The following MACF1 variants were observed in gnomAD, a reference collection of about 807,000 sequenced individuals.
MACF1 encodes the protein microtubule-actin cross-linking factor 1.
MACF1 carries 193 observed loss-of-function variants against 854.8 expected under a neutral mutation model. The ratio of observed to expected loss-of-function variants is 0.23; its 90% CI spans 0.20 to 0.25. MACF1 has a LOEUF of 0.25. Ranked by LOEUF, MACF1 falls within the 10% of genes least tolerant of loss-of-function variation. MACF1 has a pLI of 1.00. For missense variants in MACF1, 7,722 were observed against 8,929.1 expected, an observed-to-expected ratio of 0.86 and a Z score of 5.45; for synonymous variants, 3,185 against 3,226.7, an observed-to-expected ratio of 0.99 and a Z score of 0.44.
intron 24 of MACF1, 69 bp from the exon 25 acceptor site, chr1:39,310,175 TA>T: frequency 7.8e-7 from 1 of 1,285,208 alleles, no homozygotes; most frequent in Non-Finnish European, 1.1e-6. Flanking sequence ...GTTACTTCAG[TA>T]AAATGGAGGA....
rs373723596 is a variant in MACF1, at chr1:39,357,585, T to C, written c.11635T>C (p.Leu3879=). 5 of 1,613,912 alleles carry C rather than the reference T, an allele frequency of 3.1e-6. No homozygotes were observed. Among genetic ancestry groups the C allele is most frequent in the East Asian group, 4.5e-5 (2 of 44,900 alleles). Residue 3879 remains leucine (L), a synonymous_variant, in exon 45 of 101, where the codon TTG becomes CTG. Transcript: ENST00000564288. ...GCAGGTGCAGACACTTCAGGATGAG[T>C]TGCAGAAATTTCTGCAGGATCATAA... is the stretch of plus-strand genomic sequence containing the variant. ...LKQVQTLQDE[L]QKFLQDHKEF... is the part of the protein sequence containing the mutation.
intron 6 of MACF1, among the ~76,000 whole-genome samples, chr1:39,268,064 A>T (rs895324914): frequency 6.6e-6 from 1 of 152,200 alleles, no homozygotes; most frequent in African/African-American, 2.4e-5. Context: ...TCTTGGTGCA[A>T]CACTTAAAAT....
intron 2 of MACF1, among the ~76,000 whole-genome samples, chr1:39,157,760 G>A (rs185532566): frequency 8.1e-4 from 124 of 152,188 alleles, no homozygotes; most frequent in East Asian, 1.9e-4. Flanking sequence ...AGGCTAGAGT[G>A]CAGTGGTGTG....
rs1256193457 is a variant in MACF1 at position 39,458,884 on chromosome 1, A to G, written c.21197-202A>G. On this transcript the variant is annotated intron_variant, in intron 90 of 100. Transcript: ENST00000564288. Reference sequence around the variant, plus strand: ...AGGACAGAATTGCTTGGAGATATGTAGGCAGCAGGTAAGTATGTGCTGGGA... The same window carrying G: ...AGGACAGAATTGCTTGGAGATATGTGGGCAGCAGGTAAGTATGTGCTGGGA... The G allele has an allele frequency of 2.7e-5, 15 of 553,198 alleles. No individual in the cohort carries two copies. In the Admixed American group the frequency reaches 4.0e-4, roughly 15 times the overall value. The allele number at this position is 553,198 out of a possible 1,614,324, so 34.3% of individuals were successfully genotyped here. A position where few individuals can be genotyped will look rare whatever the true frequency, so the allele number is the denominator to read the frequency against.
At position 39,251,901 on chromosome 1, in the gene MACF1, C is replaced by A; in HGVS notation, c.317C>A (p.Thr106Lys). ...GTGAGCATGCCCTCCTGGTGCCATACAAACAACGAGGAGCAGGCGGAGGAA... is the reference window on the plus strand; with the variant it reads ...GTGAGCATGCCCTCCTGGTGCCATAAAAACAACGAGGAGCAGGCGGAGGAA... ...RLVSMPSWCHTNNEEQAEEDD... is the reference protein window; with the variant it reads ...RLVSMPSWCHKNNEEQAEEDD... The change falls in exon 4 of 101, where the codon ACA (threonine) becomes AAA (lysine). Residue 106 changes from threonine (T) to lysine (K), a missense_variant. Physicochemically the swap from Thr to Lys is moderately conservative, Grantham distance 78. Coordinates refer to ENST00000564288, the MANE Select transcript of MACF1 (RefSeq NM_001394062.1). 1 of 1,520,546 alleles carries A rather than the reference C, an allele frequency of 6.6e-7. No individual in the cohort carries two copies. Among genetic ancestry groups the A allele is most frequent in the Non-Finnish European group, 8.8e-7 (1 of 1,139,618 alleles). The allele number at this position is 1,520,546 out of a possible 1,614,324, so 94.2% of individuals were successfully genotyped here.
Position 39,347,326 on chromosome 1 carries a change from A to G in MACF1, c.10815+116A>G. On this transcript the variant is annotated intron_variant, in intron 41 of 100. Coordinates refer to ENST00000564288, the MANE Select transcript of MACF1 (RefSeq NM_001394062.1). ...CAGGAGCCTGGGTTTACCAATTTTG[A>G]AATTTCATGTCATGCAGGCCAGTAT... The G allele has an allele frequency of 3.9e-6, 3 of 767,100 alleles. No individual in the cohort carries two copies. In the South Asian group the frequency reaches 4.7e-5, roughly 12 times the overall value. The allele number at this position is 767,100 out of a possible 1,614,324, so 47.5% of individuals were successfully genotyped here.
intron 2 of MACF1, among the ~76,000 whole-genome samples, chr1:39,126,063 G>A (rs540140230): frequency 3.3e-5 from 5 of 152,230 alleles, no homozygotes; most frequent in Non-Finnish European, 7.4e-5. Context: ...TTTTTGACCA[G>A]CTGGGCAACA....
At chr1:39,292,909 C>G in intron 17 of MACF1, 66 bp downstream of exon 17, 19 of 1,327,452 alleles carry the variant, frequency 1.4e-5, no homozygotes, top group Non-Finnish European at 1.9e-5. Context: ...CAACTCTCTT[C>G]CGTAATTCAG....
rs1646765076 is a variant in MACF1 at position 39,333,650 on chromosome 1, G to A, written c.7062G>A (p.Leu2354=). ...LTTEEVINEG[L]MDEKLLHNVL... ...CTGAAGAAGTCATTAATGAAGGTCT[G>A]ATGGATGAGAAATTATTACATAATG... Residue 2354 remains leucine (L), a synonymous_variant, in exon 37 of 101, where the codon CTG becomes CTA. Coordinates refer to ENST00000564288, the MANE Select transcript of MACF1 (RefSeq NM_001394062.1). The A allele has an allele frequency of 2.5e-6, 4 of 1,614,188 alleles. No individual in the cohort carries two copies. The highest frequency in any genetic ancestry group is 3.4e-6 in the Non-Finnish European group (4 of 1,180,034).
intron 2 of MACF1, among the ~76,000 whole-genome samples, chr1:39,087,390 G>T (rs996199838): frequency 6.6e-6 from 1 of 152,230 alleles, no homozygotes; most frequent in Non-Finnish European, 1.5e-5. Flanking sequence ...GGCAAGCCTG[G>T]TGGTCACACA....
At chr1:39,140,655 G>A (rs1643317526) in intron 2 of MACF1, among the ~76,000 whole-genome samples, 2 of 152,108 alleles carry the variant, frequency 1.3e-5, no homozygotes, top group Non-Finnish European at 2.9e-5. Flanking sequence ...GGTGGCTCAC[G>A]CCTGTGATCC....
At chr1:39,313,660 T>C (rs1275351498) in intron 26 of MACF1, among the ~76,000 whole-genome samples, 1 of 152,156 alleles carries the variant, frequency 6.6e-6, no homozygotes, top group Non-Finnish European at 1.5e-5. Context: ...AATTTGTTAC[T>C]GTCATTGTTT....
chr1:39,243,902 T>A (rs1362035257), intron 2 of MACF1, among the ~76,000 whole-genome samples: 1 of 152,066 alleles, frequency 6.6e-6, no homozygotes, highest in African/African-American at 2.4e-5. Context: ...GTCTGAAAAA[T>A]TCCTGACACA....
intron 26 of MACF1, 26 bp downstream of exon 26, chr1:39,311,026 C>G (rs372148358): frequency 1.9e-6 from 3 of 1,600,102 alleles, no homozygotes; most frequent in African/African-American, 2.7e-5. Context: ...CATGTGGATG[C>G]TGGTTGTGGA....
chr1:39,190,560 G>A (rs1015321218), intron 2 of MACF1, among the ~76,000 whole-genome samples: 5 of 151,408 alleles, frequency 3.3e-5, no homozygotes, highest in Admixed American at 2.6e-4. Context: ...GGGTGGTCTC[G>A]AACTCCTGGG....
chr1:39,088,146 G>A (rs1641720268), intron 2 of MACF1, among the ~76,000 whole-genome samples: 2 of 152,024 alleles, frequency 1.3e-5, no homozygotes, highest in Non-Finnish European at 2.9e-5. Flanking sequence ...CTAATTTTTT[G>A]TATTTTTAGT....
chr1:39,467,090 G>C (rs1474931433), intron 95 of MACF1, among the ~76,000 whole-genome samples: 1 of 152,152 alleles, frequency 6.6e-6, no homozygotes, highest in South Asian at 2.1e-4. Context: ...ATCCTGGCCG[G>C]GCGTGGTGGC....
intron 2 of MACF1, among the ~76,000 whole-genome samples, chr1:39,192,061 G>T (rs2148249360): frequency 6.6e-6 from 1 of 152,240 alleles, no homozygotes. Context: ...TGAGGCACAA[G>T]AATTGCTTGA....
In MACF1 at chr1:39,334,676, T is replaced by G; in HGVS notation, c.8088T>G (p.Thr2696=). 1 of 1,614,112 alleles carries G rather than the reference T, an allele frequency of 6.2e-7. No homozygotes were observed. The highest frequency in any genetic ancestry group is 1.1e-5 in the South Asian group (1 of 91,082). Residue 2696 remains threonine, a synonymous_variant, in exon 37 of 101, where the codon ACT becomes ACG. Transcript: ENST00000564288. ...CAAATACTGGTGGAATCATAGATAC[T>G]GCTACTGGAAAAAGACTGACATTGG... ...AQANTGGIID[T]ATGKRLTLAS...
Sources: allele counts gnomAD v4.1 joint callset (sites outside exome capture counted in the v4.1 genomes callset), GRCh38; gene constraint gnomAD v4.1.1; transcripts MANE v1.5; gene names NCBI Gene and HGNC (gene_info 2026-07-23, HGNC 2026-07-21).